The following CDH13 variants were observed in gnomAD, a reference collection of about 807,000 sequenced individuals.
CDH13 encodes the protein cadherin-13.
CDH13 carries 24 observed loss-of-function variants against 63.8 expected under a neutral mutation model. The ratio of observed to expected loss-of-function variants is 0.38; its 90% CI spans 0.27 to 0.53. The LOEUF is 0.53. Among genes scored for constraint, CDH13 ranks in the 20% least tolerant of loss-of-function variants. CDH13 has a pLI of 0.85. For synonymous variants in CDH13, 503 were observed against 355.3 expected (o/e 1.42, Z -4.67); for missense variants, 1,049 against 903.1 (o/e 1.16, Z -2.07).
chr16:83,195,277 A>G (rs757284400), intron 4 of CDH13, among the ~76,000 whole-genome samples: 1 of 152,248 alleles, frequency 6.6e-6, no homozygotes, highest in Non-Finnish European at 1.5e-5. Context: ...TGCTCATGAT[A>G]TAATATGTGT....
At chr16:83,615,627 T>C (rs1909220976) in intron 8 of CDH13, among the ~76,000 whole-genome samples, 1 of 152,166 alleles carries the variant, frequency 6.6e-6, no homozygotes, top group Non-Finnish European at 1.5e-5. Flanking sequence ...TTGTACAGAA[T>C]GGTGGGGAAT....
rs954596153 is a variant in CDH13 at position 83,266,539 on chromosome 16, C to G, written c.636+49042C>G. On this transcript the variant is annotated intron_variant, in intron 5 of 13. Coordinates refer to ENST00000567109, the MANE Select transcript of CDH13 (RefSeq NM_001257.5). ...CAGAAAGTCTTATCAGGAACCCACTCCCACTGTAACTAACACAGATAAAGT... is the reference window on the plus strand; with the variant it reads ...CAGAAAGTCTTATCAGGAACCCACTGCCACTGTAACTAACACAGATAAAGT... 3.3e-5 allele frequency among the ~76,000 whole-genome samples: 5 copies of G among 152,170 alleles called. No individual in the cohort carries two copies. In the South Asian group the frequency reaches 6.2e-4, roughly 19 times the overall value.
intron 1 of CDH13, among the ~76,000 whole-genome samples, chr16:82,653,197 G>T (rs1042405996): frequency 6.6e-6 from 1 of 152,150 alleles, no homozygotes; most frequent in Non-Finnish European, 1.5e-5. Context: ...GTGGTGGTAG[G>T]GGGTGGGTGG....
At chr16:83,022,812 T>C (rs1335990961) in intron 2 of CDH13, among the ~76,000 whole-genome samples, 2 of 152,174 alleles carry the variant, frequency 1.3e-5, no homozygotes, top group Admixed American at 1.3e-4. Flanking sequence ...CTAGGACAAT[T>C]TACCCATATA....
intron 10 of CDH13, among the ~76,000 whole-genome samples, chr16:83,683,211 T>C (rs1376434524): frequency 1.3e-5 from 2 of 152,240 alleles, no homozygotes; most frequent in African/African-American, 4.8e-5. Flanking sequence ...GCCCTTCACA[T>C]TGTGTTGTTA....
intron 7 of CDH13, among the ~76,000 whole-genome samples, chr16:83,509,283 T>C (rs1412120613): frequency 2.0e-5 from 3 of 152,214 alleles, no homozygotes; most frequent in Admixed American, 1.3e-4. Context: ...GCCAGGGAAG[T>C]AACTTTGTCT....
intron 5 of CDH13, among the ~76,000 whole-genome samples, chr16:83,301,915 A>C: frequency 6.6e-6 from 1 of 152,140 alleles, no homozygotes; most frequent in East Asian, 1.9e-4. Context: ...TACTTAAGAA[A>C]ATTGGAAGAA....
chr16:83,266,088 C>T (rs1373315684), intron 5 of CDH13, among the ~76,000 whole-genome samples: 2 of 152,094 alleles, frequency 1.3e-5, no homozygotes, highest in South Asian at 2.1e-4. Flanking sequence ...AGGCGCCTGC[C>T]ACCACGTCCG....
chr16:83,408,076 T>C (rs1597951141), intron 6 of CDH13, among the ~76,000 whole-genome samples: 1 of 152,214 alleles, frequency 6.6e-6, no homozygotes, highest in African/African-American at 2.4e-5. Context: ...GATTTAGCTG[T>C]GTTGGGGACA....
intron 2 of CDH13, chr16:82,953,434 T>A (rs1905583650): frequency 6.6e-6 from 1 of 152,196 alleles, no homozygotes; most frequent in Admixed American, 6.5e-5. Context: ...CTGCAAGCTA[T>A]TTTAAATATT....
At chr16:83,770,162 TG>T (rs1325166816) in intron 11 of CDH13, among the ~76,000 whole-genome samples, 2 of 152,142 alleles carry the variant, frequency 1.3e-5, no homozygotes, top group African/African-American at 4.8e-5. Context: ...GGAGGAGTCC[TG>T]GTTCAGTTCT....
chr16:83,337,255 G>C (rs2090619324), intron 5 of CDH13, among the ~76,000 whole-genome samples: 1 of 152,202 alleles, frequency 6.6e-6, no homozygotes, highest in South Asian at 2.1e-4. Flanking sequence ...TATGGAAAGA[G>C]AGTAGAGGAA....
In CDH13 at chr16:83,614,660, T is replaced by C. The variant is rs139481332; in HGVS notation, c.1101+12066T>C. The stretch of plus-strand genomic sequence containing the variant: ...TATTAAATCCATATCCTGGTTGTTC[T>C]AGATTTGAGGGTTGGTCAGGAAGAA... On this transcript the variant is annotated intron_variant, in intron 8 of 13. Transcript: ENST00000567109. 7.2e-5 allele frequency among the ~76,000 whole-genome samples: 11 copies of C among 152,308 alleles called. No homozygotes were observed. The East Asian group carries it at 2.1e-3, about 29-fold the overall frequency.
At chr16:83,060,362 G>T (rs1005319895) in intron 3 of CDH13, among the ~76,000 whole-genome samples, 2 of 152,138 alleles carry the variant, frequency 1.3e-5, no homozygotes, top group African/African-American at 4.8e-5. Flanking sequence ...CAGCATTTTT[G>T]TATAGGAACA....
chr16:82,896,596 C>G (rs1171390371), intron 2 of CDH13, among the ~76,000 whole-genome samples: 3 of 151,300 alleles, frequency 2.0e-5, no homozygotes, highest in African/African-American at 4.9e-5. Context: ...GTGCCCAGCT[C>G]CAGGACAGGA....
At chr16:83,465,000 T>C (rs1373636877) in intron 6 of CDH13, among the ~76,000 whole-genome samples, 1 of 152,204 alleles carries the variant, frequency 6.6e-6, no homozygotes, top group Non-Finnish European at 1.5e-5. Context: ...CAGTTTCTCA[T>C]TTCAGAACCA....
At chr16:83,347,354 T>G (rs1016799026) in intron 6 of CDH13, among the ~76,000 whole-genome samples, 14 of 3,162 alleles carry the variant, frequency 4.4e-3, no homozygotes, top group Admixed American at 0.012. Flanking sequence ...GGGGTAGGGG[T>G]GGGGTTTGGG....
chr16:83,026,218 G>T (rs193156748), intron 2 of CDH13, among the ~76,000 whole-genome samples: 218 of 152,330 alleles, frequency 1.4e-3, no homozygotes, highest in African/African-American at 4.6e-3. Flanking sequence ...AGATGCCCAA[G>T]GGGGCCATGT....
chr16:83,516,541 C>T (rs2074702719), intron 7 of CDH13, among the ~76,000 whole-genome samples: 1 of 152,150 alleles, frequency 6.6e-6, no homozygotes, highest in Non-Finnish European at 1.5e-5. Context: ...TTATAGACTG[C>T]TTCAAAGGAG....
Sources: gnomAD v4.1 joint callset for allele counts (sites outside exome capture counted in the v4.1 genomes callset) on GRCh38, gnomAD v4.1.1 for gene constraint, MANE v1.5 for transcripts, NCBI Gene and HGNC (gene_info 2026-07-23, HGNC 2026-07-21) for gene names.